The following FANCE variants were observed in gnomAD, a reference collection of about 807,000 sequenced individuals.
FANCE encodes the protein Fanconi anemia group E protein.
A neutral mutation model predicts 57.8 loss-of-function variants in FANCE; 42 were observed. The observed-to-expected ratio is 0.73, with a 90% confidence interval of 0.57 to 0.94. The LOEUF is 0.94. FANCE is among the 40% of genes least tolerant of loss of function. The probability of loss-of-function intolerance (pLI) is 0.00; values close to 1 mark genes in which losing one functional copy is unlikely to be tolerated. For missense variants in FANCE, 608 were observed against 661.8 expected (o/e 0.92, Z 0.89); for synonymous variants, 251 against 286.4 (o/e 0.88, Z 1.25).
At chr6:35,465,888 C>A (rs565927536) in intron 9 of FANCE, among the ~76,000 whole-genome samples, 1 of 152,276 alleles carries the variant, frequency 6.6e-6, no homozygotes, top group South Asian at 2.1e-4. Context: ...GTCTGTGAAC[C>A]TCAGTTTTCT....
chr6:35,458,793 T>G (rs538526673), intron 5 of FANCE, among the ~76,000 whole-genome samples: 47 of 152,068 alleles, frequency 3.1e-4, no homozygotes, highest in Non-Finnish European at 5.9e-4. Flanking sequence ...TTTATTTATT[T>G]ATTTAGAGAC....
chr6:35,461,583 A>C (rs1490392807), intron 8 of FANCE, among the ~76,000 whole-genome samples: 2 of 150,004 alleles, frequency 1.3e-5, no homozygotes, highest in Non-Finnish European at 3.0e-5. Flanking sequence ...TATTTTGGTG[A>C]TTTTTTTCAT....
At position 35,455,752 on chromosome 6, in the gene FANCE, C is replaced by T. The variant is rs1257117410; in HGVS notation, c.254C>T (p.Pro85Leu). The change falls in exon 2 of 10, where the codon CCA becomes CTA. Residue 85 changes from proline (P) to leucine (L), a missense_variant. Coordinates refer to ENST00000229769, the MANE Select transcript of FANCE (RefSeq NM_021922.3). Reference sequence around the variant, plus strand: ...GCTCTCCCTCTGCTACCCAGGAAACCACTGTTGCTGCGATTGCCCCGGATA... The same window carrying T: ...GCTCTCCCTCTGCTACCCAGGAAACTACTGTTGCTGCGATTGCCCCGGATA... ...QGPDGRLELK[P>L]LLLRLPRICQ... 1 of 1,614,020 alleles carries T rather than the reference C, an allele frequency of 6.2e-7. No homozygotes were observed. Among genetic ancestry groups the T allele is most frequent in the Non-Finnish European group, 8.5e-7 (1 of 1,180,044 alleles).
At chr6:35,454,303 C>T (rs969699809) in intron 1 of FANCE, among the ~76,000 whole-genome samples, 3 of 152,202 alleles carry the variant, frequency 2.0e-5, no homozygotes, top group Non-Finnish European at 4.4e-5. Flanking sequence ...CCACCCACCT[C>T]GTGATCCACC....
intron 1 of FANCE, among the ~76,000 whole-genome samples, chr6:35,453,977 T>C (rs1176832070): frequency 6.6e-6 from 1 of 152,184 alleles, no homozygotes; most frequent in South Asian, 2.1e-4. Context: ...GGTTAAAATT[T>C]CCTGGAGTAG....
At chr6:35,461,135 C>A (rs1581706177) in intron 8 of FANCE, among the ~76,000 whole-genome samples, 1 of 150,972 alleles carries the variant, frequency 6.6e-6, no homozygotes, top group East Asian at 1.9e-4. Context: ...GAGGCCAGAA[C>A]TCCTGTGGCC....
At chr6:35,453,562 T>C (rs1463116598) in intron 1 of FANCE, among the ~76,000 whole-genome samples, 1 of 152,210 alleles carries the variant, frequency 6.6e-6, no homozygotes, top group Non-Finnish European at 1.5e-5. Context: ...TGAGGTGCCA[T>C]GTTCAGCTCC....
chr6:35,455,804 G>C lies in FANCE; in HGVS notation c.306G>C (p.Leu102=). 1 of 1,614,182 alleles carries C rather than the reference G, an allele frequency of 6.2e-7. No individual in the cohort carries two copies. Among genetic ancestry groups the C allele is most frequent in the Non-Finnish European group, 8.5e-7 (1 of 1,180,028 alleles). The change falls in exon 2 of 10, where the codon CTG becomes CTC. Residue 102 remains leucine, a synonymous_variant. Transcript: ENST00000229769. The stretch of plus-strand genomic sequence containing the variant: ...GCCAGAGGAACCTGATGTCCCTGCT[G>C]ATGGCCGTTCGGCCATCGCTGCCGG... The part of the protein sequence containing the change: ...RICQRNLMSL[L]MAVRPSLPES...
Position 35,452,794 on chromosome 6 carries a change from G to T in FANCE, c.248+1G>T. 1.5e-6 allele frequency: 2 copies of T among 1,314,474 alleles called. No individual in the cohort carries two copies. The highest frequency in any genetic ancestry group is 3.1e-5 in the East Asian group (1 of 32,326). 81.4% of individuals were successfully genotyped at this position (1,314,474 alleles called of 1,614,324 possible). On this transcript the variant is annotated splice_donor_variant, in intron 1 of 9. Transcript: ENST00000229769. LOFTEE classifies it high-confidence loss of function. ...AGGGGCCTGACGGCCGTCTGGAGCT[G>T]TAAGTCCTCGCCCGCGGCCCCTTAG...
Position 35,455,963 on chromosome 6 carries a change from A to G in FANCE, c.465A>G (p.Pro155=), listed in dbSNP as rs1383013999. Residue 155 remains proline, a synonymous_variant, in exon 2 of 10, where the codon CCA becomes CCG. Coordinates refer to ENST00000229769, the MANE Select transcript of FANCE (RefSeq NM_021922.3). The part of the protein sequence containing the change: ...GVGTSMEGAS[P]LSERCQRQLQ... The stretch of plus-strand genomic sequence containing the variant: ...GGACCTCCATGGAGGGAGCTTCTCC[A>G]CTGTCTGAAAGATGCCAGAGACAGC... The G allele has an allele frequency of 6.2e-7, 1 of 1,613,768 alleles. No individual in the cohort carries two copies. The highest frequency in any genetic ancestry group is 1.7e-5 in the Admixed American group (1 of 60,024).
intron 8 of FANCE, 127 bp downstream of exon 8, chr6:35,460,745 C>T (rs1480115822): frequency 7.1e-6 from 6 of 841,846 alleles, no homozygotes; most frequent in Admixed American, 2.0e-5. Context: ...CCTACAGCAG[C>T]TGCCTGAGAC....
rs764498332 is a variant in FANCE at position 35,459,431 on chromosome 6, C to T, written c.1214C>T (p.Pro405Leu). 6.2e-7 allele frequency: 1 copy of T among 1,614,160 alleles called. No individual in the cohort carries two copies. Among genetic ancestry groups the T allele is most frequent in the South Asian group, 1.1e-5 (1 of 91,084 alleles). ...TYPVCSALLD[P>L]VLQAPGTGPA... ...CCTGTCTGCAGCGCCCTCCTTGACCCTGTGCTCCAGGCCCCAGGCACAGGT... is the reference window on the plus strand; with the variant it reads ...CCTGTCTGCAGCGCCCTCCTTGACCTTGTGCTCCAGGCCCCAGGCACAGGT... Residue 405 changes from proline to leucine, a missense_variant, in exon 6 of 10, where the codon CCT (proline) becomes CTT (leucine). Physicochemically the swap from Pro to Leu is moderately conservative, Grantham distance 98. Coordinates refer to ENST00000229769, the MANE Select transcript of FANCE (RefSeq NM_021922.3).
intron 7 of FANCE, among the ~76,000 whole-genome samples, chr6:35,460,119 G>C (rs796958326): frequency 8.2e-6 from 1 of 122,152 alleles, no homozygotes; most frequent in African/African-American, 3.0e-5. Flanking sequence ...TTTTTTTGGC[G>C]GGGGGTGGGG....
chr6:35,460,912 A>G (rs1342517997), intron 8 of FANCE, among the ~76,000 whole-genome samples: 1 of 149,262 alleles, frequency 6.7e-6, no homozygotes, highest in Non-Finnish European at 1.5e-5. Context: ...ATAGATTCAT[A>G]TGTTCACAAA....
chr6:35,466,768 G>A lies in FANCE; in HGVS notation c.*423G>A, dbSNP rs45522636. The A allele has an allele frequency of 2.2e-5, 7 of 317,638 alleles. No individual in the cohort carries two copies. The South Asian group carries it at 2.6e-4, about 12-fold the overall frequency. The allele number at this position is 317,638 out of a possible 1,614,324, so 19.7% of individuals were successfully genotyped here. On this transcript the variant is annotated 3_prime_UTR_variant, in exon 10 of 10. Coordinates refer to ENST00000229769, the MANE Select transcript of FANCE (RefSeq NM_021922.3). ...GTAGATAATATGCTGGTCAGGGCTG[G>A]TCTTGAACTCCTGAGCTCAAGTGAT...
chr6:35,462,130 C>T (rs1000252213), intron 8 of FANCE, among the ~76,000 whole-genome samples: 2 of 144,406 alleles, frequency 1.4e-5, no homozygotes, highest in African/African-American at 2.7e-5. Context: ...TTTTTTGAGA[C>T]GGAGTCTCAC....
chr6:35,457,675 C>A, intron 3 of FANCE, 75 bp downstream of exon 3: 1 of 1,517,990 alleles, frequency 6.6e-7, no homozygotes, highest in Non-Finnish European at 9.1e-7. Context: ...CCAAGGAAGG[C>A]CCAATGCAGT....
intron 8 of FANCE, among the ~76,000 whole-genome samples, chr6:35,461,068 G>A (rs375966321): frequency 6.6e-4 from 101 of 152,114 alleles, no homozygotes; most frequent in African/African-American, 2.3e-3. Context: ...ACAGGCGTGC[G>A]CCACCACGCT....
At chr6:35,463,335 G>A (rs1223266175) in intron 9 of FANCE, among the ~76,000 whole-genome samples, 1 of 151,934 alleles carries the variant, frequency 6.6e-6, no homozygotes, top group Non-Finnish European at 1.5e-5. Context: ...AACCCTGAGT[G>A]CTAGCCAGAG....
Sources: allele counts gnomAD v4.1 joint callset (sites outside exome capture counted in the v4.1 genomes callset), GRCh38; gene constraint gnomAD v4.1.1; transcripts MANE v1.5; gene names NCBI Gene and HGNC (gene_info 2026-07-23, HGNC 2026-07-21).